IDNK: variants seen among roughly 807,000 people sequenced by gnomAD.
IDNK encodes gluconokinase.
A neutral mutation model predicts 13.0 loss-of-function variants in IDNK; 9 were observed. That is an observed-to-expected ratio of 0.69 (90% CI 0.42 to 1.21). IDNK has a LOEUF of 1.21. IDNK is among the 50% of genes most tolerant of loss of function. IDNK has a pLI of 0.00. For missense variants in IDNK, 210 were observed against 237.8 expected, an observed-to-expected ratio of 0.88 and a Z score of 0.77; for synonymous variants, 92 against 94.9, an observed-to-expected ratio of 0.97 and a Z score of 0.18.
At chr9:83,641,626 C>A (rs1272871057) in intron 4 of IDNK, 35 bp downstream of exon 4, 1 of 1,605,334 alleles carries the variant, frequency 6.2e-7, no homozygotes, top group Non-Finnish European at 8.5e-7. Flanking sequence ...TAAGCCAAAG[C>A]CAGCAGGTAA....
At chr9:83,629,705 C>T (rs1214763657) in intron 3 of IDNK, among the ~76,000 whole-genome samples, 1 of 152,242 alleles carries the variant, frequency 6.6e-6, no homozygotes, top group African/African-American at 2.4e-5. Flanking sequence ...GCACTTGTCC[C>T]TGTGGCAGCT....
chr9:83,641,954 A>G (rs753443895), intron 4 of IDNK, among the ~76,000 whole-genome samples: 2 of 152,228 alleles, frequency 1.3e-5, no homozygotes, highest in Admixed American at 6.5e-5. Flanking sequence ...CAACAGAACA[A>G]TATCTGATAC....
rs539757940 is a variant in IDNK at position 83,635,946 on chromosome 9, C to A, written c.169-5602C>A. Among the ~76,000 whole-genome samples the A allele has an allele frequency of 3.9e-5, 6 of 152,290 alleles. No individual in the cohort carries two copies. The South Asian group carries it at 1.2e-3, about 32-fold the overall frequency. On this transcript the variant is annotated intron_variant, in intron 3 of 4. Transcript: ENST00000376419. ...CTGAATCCCAGAGTGGGAAGTAGAA[C>A]CTCCTGCTAATGTGGGAGGCTTCAA... is the stretch of plus-strand genomic sequence containing the variant.
At position 83,643,456 on chromosome 9, in the gene IDNK, T is replaced by C. The variant is rs1182275420; in HGVS notation, c.240T>C (p.Val80=). The change falls in exon 5 of 5, where the codon GTT becomes GTC. Residue 80 remains valine (V), a synonymous_variant. Coordinates refer to ENST00000376419, the MANE Select transcript of IDNK (RefSeq NM_001001551.4). ...ATGTAGCCTCGGGACAGCGTGTGGT[T>C]CTAGCCTGTTCAGCCCTGAAGAAAA... ...LRDVASGQRV[V]LACSALKKTY... 1 of 1,613,656 alleles carries C rather than the reference T, an allele frequency of 6.2e-7. No individual in the cohort carries two copies. Among genetic ancestry groups the C allele is most frequent in the Non-Finnish European group, 8.5e-7 (1 of 1,179,816 alleles).
chr9:83,628,981 C>G lies in IDNK; in HGVS notation c.168+22C>G, dbSNP rs766653089. The stretch of plus-strand genomic sequence containing the variant: ...CCAGGTAACAATTGCTGTCTGTGTC[C>G]ATCACACATATTCCACCTGGGTGAC... On this transcript the variant is annotated intron_variant, in intron 3 of 4. Coordinates refer to ENST00000376419, the MANE Select transcript of IDNK (RefSeq NM_001001551.4). 3.8e-6 allele frequency: 6 copies of G among 1,581,146 alleles called. No individual in the cohort carries two copies. The East Asian group carries it at 1.3e-4, about 35-fold the overall frequency.
At position 83,644,024 on chromosome 9, in the gene IDNK, G is replaced by C; in HGVS notation, c.*244G>C. On this transcript the variant is annotated 3_prime_UTR_variant, in exon 5 of 5. Coordinates refer to ENST00000376419, the MANE Select transcript of IDNK (RefSeq NM_001001551.4). ...AAATTCATCTATAACCAAATCAAAT[G>C]ATCAGAGGAAATTCTGTAATCAATG... The C allele has an allele frequency of 2.4e-6, 1 of 415,436 alleles. No individual in the cohort carries two copies. Among genetic ancestry groups the C allele is most frequent in the South Asian group, 3.2e-5 (1 of 31,080 alleles). The allele number at this position is 415,436 out of a possible 1,614,324, so 25.7% of individuals were successfully genotyped here. A position where few individuals can be genotyped will look rare whatever the true frequency, so the allele number is the denominator to read the frequency against.
At chr9:83,642,551 T>C (rs1315711427) in intron 4 of IDNK, among the ~76,000 whole-genome samples, 1 of 131,216 alleles carries the variant, frequency 7.6e-6, no homozygotes, top group Non-Finnish European at 1.6e-5. Context: ...GCTAGCCATG[T>C]ATTGGCTGCA....
intron 4 of IDNK, among the ~76,000 whole-genome samples, chr9:83,642,482 T>C (rs1163092285): frequency 6.6e-6 from 1 of 151,992 alleles, no homozygotes. Flanking sequence ...TGAGAGTCTA[T>C]TTTTACAGTA....
rs1831381772 is a variant in IDNK, at chr9:83,643,709, A to G, written c.493A>G (p.Ile165Val). 1 of 1,614,008 alleles carries G rather than the reference A, an allele frequency of 6.2e-7. No individual in the cohort carries two copies. Among genetic ancestry groups the G allele is most frequent in the Non-Finnish European group, 8.5e-7 (1 of 1,180,012 alleles). The change falls in exon 5 of 5, where the codon ATC becomes GTC. Residue 165 changes from isoleucine to valine, a missense_variant. Coordinates refer to ENST00000376419, the MANE Select transcript of IDNK (RefSeq NM_001001551.4). ...LEPPAAPENFIQISVDKNVSE... is the reference protein window; with the variant it reads ...LEPPAAPENFVQISVDKNVSE... ...GCCCCCAGCAGCTCCAGAAAACTTTATCCAAATAAGTGTGGACAAAAATGT... is the reference window on the plus strand; with the variant it reads ...GCCCCCAGCAGCTCCAGAAAACTTTGTCCAAATAAGTGTGGACAAAAATGT...
At chr9:83,628,796 C>A in intron 2 of IDNK, 77 bp from the exon 3 acceptor site, 1 of 1,013,380 alleles carries the variant, frequency 9.9e-7, no homozygotes, top group Non-Finnish European at 1.6e-6. Context: ...TCTACACCTG[C>A]CTGTTAGTAA....
rs371112663 is a variant in IDNK at position 83,628,946 on chromosome 9, C to T, written c.155C>T (p.Pro52Leu). 1.2e-5 allele frequency: 20 copies of T among 1,612,762 alleles called. No individual in the cohort carries two copies. The highest frequency in any genetic ancestry group is 3.3e-4 in the Middle Eastern group (2 of 6,084). Residue 52 changes from proline to leucine, a missense_variant, in exon 3 of 5, where the codon CCG (proline) becomes CTG (leucine). Coordinates refer to ENST00000376419, the MANE Select transcript of IDNK (RefSeq NM_001001551.4). ...ENRRKMGKGI[P>L]LNDQDRIPWL... is the part of the protein sequence containing the mutation. Reference sequence around the variant, plus strand: ...CGAAGGAAGATGGGAAAAGGCATACCGCTCAATGACCAGGTAACAATTGCT... The same window carrying T: ...CGAAGGAAGATGGGAAAAGGCATACTGCTCAATGACCAGGTAACAATTGCT...
chr9:83,629,928 A>C (rs763177224), intron 3 of IDNK, among the ~76,000 whole-genome samples: 8 of 152,238 alleles, frequency 5.3e-5, no homozygotes, highest in Non-Finnish European at 1.2e-4. Context: ...CATCCCCTAG[A>C]GTGTCTCACA....
intron 2 of IDNK, 65 bp from the exon 3 acceptor site, chr9:83,628,808 C>A: frequency 8.8e-7 from 1 of 1,138,582 alleles, no homozygotes; most frequent in Non-Finnish European, 1.3e-6. Context: ...TGTTAGTAAT[C>A]CCACAATGAC....
In IDNK at chr9:83,643,437, C is replaced by G; in HGVS notation, c.221C>G (p.Ala74Gly). The change falls in exon 5 of 5, where the codon GCC (alanine) becomes GGC (glycine). Residue 74 changes from alanine to glycine, a missense_variant. Coordinates refer to ENST00000376419, the MANE Select transcript of IDNK (RefSeq NM_001001551.4). ...NLHDILLRDV[A>G]SGQRVVLACS... ...TTTCTTTTTCTAAACAGAGATGTAGCCTCGGGACAGCGTGTGGTTCTAGCC... is the reference window on the plus strand; with the variant it reads ...TTTCTTTTTCTAAACAGAGATGTAGGCTCGGGACAGCGTGTGGTTCTAGCC... 6.2e-7 allele frequency: 1 copy of G among 1,602,746 alleles called. No individual in the cohort carries two copies. The highest frequency in any genetic ancestry group is 2.2e-5 in the East Asian group (1 of 44,620).
At chr9:83,632,159 T>C (rs3750409) in intron 3 of IDNK, among the ~76,000 whole-genome samples, 39,824 of 151,926 alleles carry the variant, frequency 0.26, 6,459 homozygotes, top group East Asian at 0.8. Context: ...ACATTCTATA[T>C]ACTTAACTTT....
chr9:83,632,024 A>G (rs999725461), intron 3 of IDNK, among the ~76,000 whole-genome samples: 12 of 152,128 alleles, frequency 7.9e-5, no homozygotes, highest in African/African-American at 2.9e-4. Flanking sequence ...TTTGCCCTGT[A>G]TAGAAAATTT....
chr9:83,641,861 T>G (rs1831318989), intron 4 of IDNK, among the ~76,000 whole-genome samples: 2 of 152,234 alleles, frequency 1.3e-5, no homozygotes, highest in South Asian at 2.1e-4. Flanking sequence ...TTTCCATAAG[T>G]CTGTTTCTTC....
chr9:83,623,077 C>T, upstream of IDNK: 7 of 1,038,614 alleles, frequency 6.7e-6, no homozygotes, highest in Non-Finnish European at 9.0e-6. Context: ...CCCTCACTGC[C>T]CCGGCCGGGG....
Position 83,623,180 on chromosome 9 carries a change from G to C in IDNK, c.9G>C (p.Ala3=). 1.4e-6 allele frequency: 2 copies of C among 1,414,052 alleles called. No homozygotes were observed. The highest frequency in any genetic ancestry group is 1.8e-6 in the Non-Finnish European group (2 of 1,089,760). 87.6% of individuals were successfully genotyped at this position (1,414,052 alleles called of 1,614,324 possible). A position where few individuals can be genotyped will look rare whatever the true frequency, so the allele number is the denominator to read the frequency against. The part of the protein sequence containing the change: MA[A]PGALLVMGVS... ...GGAGCCGAGCTTGGGTTATGGCGGC[G>C]CCGGGCGCGCTGCTGGTGATGGGCG... is the stretch of plus-strand genomic sequence containing the variant. Residue 3 remains alanine, a synonymous_variant, in exon 1 of 5, where the codon GCG becomes GCC. Transcript: ENST00000376419.
Sources: gnomAD v4.1 joint callset for allele counts (sites outside exome capture counted in the v4.1 genomes callset) on GRCh38, gnomAD v4.1.1 for gene constraint, MANE v1.5 for transcripts, NCBI Gene and HGNC (gene_info 2026-07-23, HGNC 2026-07-21) for gene names.